The following CEP120 variants were observed in gnomAD, a reference collection of about 807,000 sequenced individuals.
The protein encoded by CEP120 is centrosomal protein of 120 kDa.
In CEP120, 113 loss-of-function variants were observed where a neutral mutation model predicts 126.5. The ratio of observed to expected loss-of-function variants is 0.89; its 90% confidence interval spans 0.77 to 1.04. The LOEUF is 1.04. CEP120 is among the 50% of genes least tolerant of loss of function. The probability of loss-of-function intolerance (pLI) is 0.00; values close to 1 mark genes in which losing one functional copy is unlikely to be tolerated. For synonymous variants in CEP120, 400 were observed against 394.3 expected, an observed-to-expected ratio of 1.01 and a Z score of -0.17; for missense variants, 1,230 against 1,155.7, an observed-to-expected ratio of 1.06 and a Z score of -0.93.
chr5:123,369,690 T>A (rs577289880), intron 17 of CEP120, among the ~76,000 whole-genome samples: 225 of 152,182 alleles, frequency 1.5e-3, no homozygotes, highest in African/African-American at 5.3e-3. Context: ...GTTACCCTCC[T>A]CAAAGAGGCC....
intron 6 of CEP120, among the ~76,000 whole-genome samples, chr5:123,392,552 C>T (rs1395322432): frequency 6.6e-6 from 1 of 152,114 alleles, no homozygotes; most frequent in Non-Finnish European, 1.5e-5. Context: ...GCTCTGCTGC[C>T]CAAGCTGGAG....
Position 123,423,046 on chromosome 5 carries a change from G to A in CEP120, c.-48C>T. ...GCGAAGGCGGCTGGGGGGAAGTGAGGTCCAGTTGAGTCGCGGGTAATCCGG... is the reference window on the plus strand; with the variant it reads ...GCGAAGGCGGCTGGGGGGAAGTGAGATCCAGTTGAGTCGCGGGTAATCCGG... On this transcript the variant is annotated 5_prime_UTR_variant, in exon 1 of 20. Transcript: ENST00000306467. 1 of 1,517,548 alleles carries A rather than the reference G, an allele frequency of 6.6e-7. No homozygotes were observed. Among genetic ancestry groups the A allele is most frequent in the South Asian group, 1.1e-5 (1 of 89,192 alleles). The allele number at this position is 1,517,548 out of a possible 1,614,324, so 94.0% of individuals were successfully genotyped here.
chr5:123,355,761 T>G (rs1176190163), intron 18 of CEP120, among the ~76,000 whole-genome samples: 4 of 151,926 alleles, frequency 2.6e-5, no homozygotes, highest in African/African-American at 9.7e-5. Context: ...TAGTTTCTTT[T>G]GCTGTGCAGA....
chr5:123,378,564 C>T, intron 14 of CEP120, 136 bp from the exon 15 acceptor site: 1 of 485,688 alleles, frequency 2.1e-6, no homozygotes, highest in East Asian at 3.4e-5. Context: ...TTACATCCGC[C>T]AATTCAAAGA....
chr5:123,360,388 T>A (rs890563620), intron 18 of CEP120, among the ~76,000 whole-genome samples: 7 of 151,890 alleles, frequency 4.6e-5, no homozygotes, highest in African/African-American at 1.7e-4. Context: ...AGAACATCAA[T>A]GATTCCTAGT....
chr5:123,348,195 T>C lies in CEP120; in HGVS notation c.2727-1442A>G, dbSNP rs190218759. ...TTTTCTTATAGCTTATACAGAGGAC[T>C]CTGCTTTTGTCTCTAATATATTTAA... On this transcript the variant is annotated intron_variant, in intron 19 of 19. Transcript: ENST00000306467. Among the ~76,000 whole-genome samples the C allele has an allele frequency of 2.3e-4, 35 of 152,350 alleles. No homozygotes were observed. In the East Asian group the frequency reaches 6.2e-3, roughly 27 times the overall value.
chr5:123,346,893 T>C lies in CEP120; in HGVS notation c.2727-140A>G. The stretch of plus-strand genomic sequence containing the variant: ...GAAAACAAACCAAAAAAAACCAGTG[T>C]TCCACTTGGCTAGTCAGAGTCTGCA... On this transcript the variant is annotated intron_variant, in intron 19 of 19. Transcript: ENST00000306467. 3 of 609,862 alleles carry C rather than the reference T, an allele frequency of 4.9e-6. No individual in the cohort carries two copies. The Admixed American group carries it at 1.1e-4, about 22-fold the overall frequency. The allele number at this position is 609,862 out of a possible 1,614,324, so 37.8% of individuals were successfully genotyped here.
At chr5:123,417,746 G>A (rs968882062) in intron 2 of CEP120, among the ~76,000 whole-genome samples, 1 of 150,590 alleles carries the variant, frequency 6.6e-6, no homozygotes, top group African/African-American at 2.4e-5. Context: ...CTCAGTGTAA[G>A]TGTAGTGTAA....
chr5:123,422,639 T>C, intron 1 of CEP120: 3 of 1,125,284 alleles, frequency 2.7e-6, no homozygotes, highest in South Asian at 1.3e-5. Flanking sequence ...AACGCGCTTC[T>C]CAGGACCACG....
intron 4 of CEP120, among the ~76,000 whole-genome samples, chr5:123,400,492 T>C (rs921392673): frequency 1.3e-5 from 2 of 151,966 alleles, no homozygotes; most frequent in East Asian, 1.9e-4. Context: ...AGGGTGAAGA[T>C]GAAAACTAGA....
intron 4 of CEP120, among the ~76,000 whole-genome samples, chr5:123,400,764 G>GT (rs1271381402): frequency 6.6e-6 from 1 of 151,028 alleles, no homozygotes; most frequent in East Asian, 1.9e-4. Context: ...CAAAGGGGGG[G>GT]TCCCCAGGCA....
At chr5:123,407,869 G>A (rs1404296486) in intron 4 of CEP120, among the ~76,000 whole-genome samples, 1 of 152,026 alleles carries the variant, frequency 6.6e-6, no homozygotes, top group Non-Finnish European at 1.5e-5. Context: ...CTGCTGTCAG[G>A]CTACATAAAC....
In CEP120 at chr5:123,412,389, A is replaced by G. The variant is rs1774117153; in HGVS notation, c.463+10T>C. 6.3e-7 allele frequency: 1 copy of G among 1,589,886 alleles called. No homozygotes were observed. The highest frequency in any genetic ancestry group is 8.5e-7 in the Non-Finnish European group (1 of 1,172,514). ...TTCTCAGAGAATGTTTTTAGAGATGATGCACAAACCTTTTCCATCTCGAGG... is the reference window on the plus strand; with the variant it reads ...TTCTCAGAGAATGTTTTTAGAGATGGTGCACAAACCTTTTCCATCTCGAGG... On this transcript the variant is annotated intron_variant, in intron 4 of 19. Coordinates refer to ENST00000306467, the MANE Select transcript of CEP120 (RefSeq NM_001375405.1).
In CEP120 at chr5:123,418,249, A is replaced by T. The variant is rs959706029; in HGVS notation, c.206+110T>A. ...TCTTTGATTATGCAGATATTCCAAAAATCCGAAAATACTTCTGGTCCCAAG... is the reference window on the plus strand; with the variant it reads ...TCTTTGATTATGCAGATATTCCAAATATCCGAAAATACTTCTGGTCCCAAG... On this transcript the variant is annotated intron_variant, in intron 2 of 19. Transcript: ENST00000306467. 13 of 1,015,650 alleles carry T rather than the reference A, an allele frequency of 1.3e-5. No homozygotes were observed. In the African/African-American group the frequency reaches 2.1e-4, roughly 16 times the overall value. The allele number at this position is 1,015,650 out of a possible 1,614,324, so 62.9% of individuals were successfully genotyped here.
intron 4 of CEP120, chr5:123,403,316 C>G (rs1368620002): frequency 2.2e-6 from 1 of 455,988 alleles, no homozygotes; most frequent in Admixed American, 2.4e-5. Context: ...AGAGTAAGCA[C>G]AAGATGAGCT....
At position 123,418,525 on chromosome 5, in the gene CEP120, C is replaced by G. The variant is rs749843064; in HGVS notation, c.50-10G>C. 10 of 1,580,772 alleles carry G rather than the reference C, an allele frequency of 6.3e-6. No individual in the cohort carries two copies. The highest frequency in any genetic ancestry group is 1.1e-5 in the South Asian group (1 of 86,978). ...TTGGGGAAATGCCGACCTGGAGAAA[C>G]AGAATATATAGATTAATCAAAAGTG... On this transcript the variant is annotated splice_polypyrimidine_tract_variant and intron_variant, in intron 1 of 19. Coordinates refer to ENST00000306467, the MANE Select transcript of CEP120 (RefSeq NM_001375405.1).
intron 5 of CEP120, among the ~76,000 whole-genome samples, chr5:123,396,168 T>C (rs1193053571): frequency 1.3e-5 from 2 of 152,092 alleles, no homozygotes; most frequent in African/African-American, 2.4e-5. Context: ...TTTAATTGTA[T>C]AGATATGCCA....
At chr5:123,354,892 G>A (rs1217408422) in intron 18 of CEP120, among the ~76,000 whole-genome samples, 8 of 151,656 alleles carry the variant, frequency 5.3e-5, no homozygotes, top group East Asian at 1.9e-4. Flanking sequence ...CCATTAACTC[G>A]TCATTTAGCA....
At chr5:123,410,478 C>T (rs1444177503) in intron 4 of CEP120, among the ~76,000 whole-genome samples, 4 of 152,128 alleles carry the variant, frequency 2.6e-5, no homozygotes, top group Non-Finnish European at 4.4e-5. Context: ...CATTGACAAA[C>T]AAATAGACAA....
Sources: allele counts gnomAD v4.1 joint callset (sites outside exome capture counted in the v4.1 genomes callset), GRCh38; gene constraint gnomAD v4.1.1; transcripts MANE v1.5; gene names NCBI Gene and HGNC (gene_info 2026-07-23, HGNC 2026-07-21).